The following RYR2 variants were observed in gnomAD, a reference collection of about 807,000 sequenced individuals.
RYR2 encodes the protein ryanodine receptor 2.
Under a neutral mutation model 601.1 loss-of-function variants are expected in RYR2, and 227 were observed. The ratio of observed to expected loss-of-function variants is 0.38; its 90% CI spans 0.34 to 0.42. RYR2 has a LOEUF of 0.42. RYR2 is among the 10% of genes least tolerant of loss of function. The probability of loss-of-function intolerance (pLI) is 1.00; values close to 1 mark genes in which losing one functional copy is unlikely to be tolerated. For missense variants in RYR2, 4,646 were observed against 6,156.5 expected, an observed-to-expected ratio of 0.75 and a Z score of 8.21; for synonymous variants, 2,223 against 2,175.1, an observed-to-expected ratio of 1.02 and a Z score of -0.61.
At chr1:237,299,683 G>T (rs543464616) in intron 2 of RYR2, among the ~76,000 whole-genome samples, 2 of 152,130 alleles carry the variant, frequency 1.3e-5, no homozygotes, top group African/African-American at 2.4e-5. Flanking sequence ...ACTTTGACAT[G>T]TTCTGCTAAG....
At chr1:237,619,674 A>C (rs533924500) in intron 38 of RYR2, among the ~76,000 whole-genome samples, 6 of 152,298 alleles carry the variant, frequency 3.9e-5, no homozygotes, top group Admixed American at 3.9e-4. Context: ...GACACATCAT[A>C]GTCAAATTTC....
At chr1:237,628,798 TA>T (rs1002221954) in intron 41 of RYR2, among the ~76,000 whole-genome samples, 1 of 151,540 alleles carries the variant, frequency 6.6e-6, no homozygotes, top group African/African-American at 2.4e-5. Context: ...ATTAAAAAAA[TA>T]AAAAAACACA....
intron 25 of RYR2, among the ~76,000 whole-genome samples, chr1:237,546,713 A>G (rs1669846746): frequency 1.3e-5 from 2 of 152,014 alleles, no homozygotes; most frequent in Non-Finnish European, 2.9e-5. Context: ...TATGGGATGT[A>G]TTATAGTAAA....
At chr1:237,324,599 T>C (rs987624589) in intron 2 of RYR2, among the ~76,000 whole-genome samples, 9 of 152,222 alleles carry the variant, frequency 5.9e-5, no homozygotes, top group African/African-American at 2.2e-4. Context: ...TTATAACTTA[T>C]TGGCATTGTC....
chr1:237,710,406 TA>T (rs540935030), intron 70 of RYR2, among the ~76,000 whole-genome samples: 3 of 152,196 alleles, frequency 2.0e-5, no homozygotes, highest in Non-Finnish European at 4.4e-5. Context: ...GAATACATAA[TA>T]TTTTTTAAAT....
intron 11 of RYR2, among the ~76,000 whole-genome samples, chr1:237,420,397 A>G (rs1340514517): frequency 6.6e-6 from 1 of 152,222 alleles, no homozygotes; most frequent in Non-Finnish European, 1.5e-5. Flanking sequence ...CTTTGAGGTA[A>G]TTTTGAGTAA....
Position 237,627,887 on chromosome 1 carries a change from G to T in RYR2, c.6247G>T (p.Ala2083Ser). 1 of 1,613,870 alleles carries T rather than the reference G, an allele frequency of 6.2e-7. No homozygotes were observed. The highest frequency in any genetic ancestry group is 1.3e-5 in the African/African-American group (1 of 75,030). ...SVIEDPELVRAMFVLLHRQYD... is the reference protein window; with the variant it reads ...SVIEDPELVRSMFVLLHRQYD... ...CATTGAAGACCCCGAGCTGGTGAGG[G>T]CCATGTTTGTGTTGCTCCATCGGCA... Residue 2083 changes from alanine (A) to serine (S), a missense_variant, in exon 41 of 105, where the codon GCC becomes TCC. This residue lies in a region of RYR2 where 170 missense variants were observed against 184.5 expected (regional missense o/e 0.92). Coordinates refer to ENST00000366574, the MANE Select transcript of RYR2 (RefSeq NM_001035.3).
At chr1:237,696,495 C>T (rs61832683) in intron 63 of RYR2, among the ~76,000 whole-genome samples, 39,958 of 151,032 alleles carry the variant, frequency 0.26, 6,118 homozygotes, top group Middle Eastern at 0.48. Context: ...GTTTACAATG[C>T]CCAAGTGTAT....
intron 1 of RYR2, among the ~76,000 whole-genome samples, chr1:237,200,044 T>C (rs2149041308): frequency 6.6e-6 from 1 of 152,302 alleles, no homozygotes; most frequent in East Asian, 1.9e-4. Flanking sequence ...TCTTAGGAAC[T>C]GTATGAGATA....
chr1:237,694,110 A>C (rs574276094), intron 63 of RYR2, among the ~76,000 whole-genome samples: 5 of 151,956 alleles, frequency 3.3e-5, no homozygotes, highest in African/African-American at 9.7e-5. Flanking sequence ...CTGGCTAACA[A>C]GGTGAAACCC....
chr1:237,291,488 T>C (rs995413317), intron 2 of RYR2, among the ~76,000 whole-genome samples: 2 of 152,214 alleles, frequency 1.3e-5, no homozygotes, highest in Non-Finnish European at 2.9e-5. Context: ...TGCACATAGA[T>C]GTTTATAGAA....
intron 1 of RYR2, among the ~76,000 whole-genome samples, chr1:237,224,104 C>G (rs1684106951): frequency 6.6e-6 from 1 of 151,954 alleles, no homozygotes; most frequent in Non-Finnish European, 1.5e-5. Flanking sequence ...TACAGTTGAA[C>G]CCTTGAGTAA....
In RYR2 at chr1:237,380,379, TA is replaced by T. The variant is rs1558717858; in HGVS notation, c.576+2945del. On this transcript the variant is annotated intron_variant, in intron 8 of 104. Coordinates refer to ENST00000366574, the MANE Select transcript of RYR2 (RefSeq NM_001035.3). ...ACACAAATATATATATATATATATATATATATATATATATATATATATATAT... is the reference window on the plus strand; with the variant it reads ...ACACAAATATATATATATATATATATTATATATATATATATATATATATAT... Among the ~76,000 whole-genome samples, 81 of 15,096 alleles carry T rather than the reference TA, an allele frequency of 5.4e-3. 5 individuals carry two copies. Among genetic ancestry groups the T allele is most frequent in the African/African-American group, 0.012 (67 of 5,556 alleles). 9.9% of individuals were successfully genotyped at this position (15,096 alleles called of 152,430 possible).
chr1:237,068,194 G>C (rs1663890295), intron 1 of RYR2, among the ~76,000 whole-genome samples: 1 of 151,838 alleles, frequency 6.6e-6, no homozygotes. Context: ...AACACTTCTT[G>C]AAAACAAGTA....
chr1:237,791,065 G>A lies in RYR2; in HGVS notation c.13477-364G>A, dbSNP rs530434145. ...CAAATATTTGTATGACTTGCTCCCC[G>A]CTTGTGCATTCAGGCCTCTCTGTTC... On this transcript the variant is annotated intron_variant, in intron 92 of 104. Coordinates refer to ENST00000366574, the MANE Select transcript of RYR2 (RefSeq NM_001035.3). Among the ~76,000 whole-genome samples, 8 of 152,132 alleles carry A rather than the reference G, an allele frequency of 5.3e-5. No homozygotes were observed. In the South Asian group the frequency reaches 1.0e-3, roughly 20 times the overall value.
chr1:237,466,898 G>A (rs541184079), intron 16 of RYR2, among the ~76,000 whole-genome samples: 2 of 151,750 alleles, frequency 1.3e-5, no homozygotes, highest in South Asian at 2.1e-4. Context: ...ATATGCTTTG[G>A]TTTTATTTTC....
At chr1:237,350,620 T>A (rs1233150439) in intron 3 of RYR2, among the ~76,000 whole-genome samples, 8 of 108,584 alleles carry the variant, frequency 7.4e-5, no homozygotes, top group Non-Finnish European at 1.3e-4. Context: ...TATATATATA[T>A]ATATATATAT....
At chr1:237,219,920 C>A (rs79155866) in intron 1 of RYR2, among the ~76,000 whole-genome samples, 4,955 of 152,320 alleles carry the variant, frequency 0.033, 104 homozygotes, top group Non-Finnish European at 0.048. Context: ...TTTTGAGAAC[C>A]TATCATGTGG....
intron 44 of RYR2, among the ~76,000 whole-genome samples, chr1:237,636,510 G>A (rs1164408391): frequency 6.6e-6 from 1 of 152,162 alleles, no homozygotes; most frequent in Non-Finnish European, 1.5e-5. Context: ...CAATACTAAT[G>A]CAGTTGATAA....
Sources: allele counts gnomAD v4.1 joint callset (sites outside exome capture counted in the v4.1 genomes callset), GRCh38; gene constraint gnomAD v4.1.1; regional missense constraint gnomAD v4.1.1; transcripts MANE v1.5; gene names NCBI Gene and HGNC (gene_info 2026-07-23, HGNC 2026-07-21).